BCAT1: variants seen among roughly 807,000 people sequenced by gnomAD.
The protein encoded by BCAT1 is branched chain amino acid transaminase 1.
In BCAT1, 48 loss-of-function variants were observed where a neutral mutation model predicts 52.4. The ratio of observed to expected loss-of-function variants is 0.92; its 90% CI spans 0.73 to 1.16. The LOEUF is 1.16. Among genes scored for constraint, BCAT1 ranks in the 50% most tolerant of loss-of-function variants. The pLI, the probability that BCAT1 is intolerant of heterozygous loss-of-function variation, is 0.00. For synonymous variants in BCAT1, 167 were observed against 161.3 expected, an observed-to-expected ratio of 1.04 and a Z score of -0.27; for missense variants, 451 against 457.1, an observed-to-expected ratio of 0.99 and a Z score of 0.12.
intron 5 of BCAT1, among the ~76,000 whole-genome samples, chr12:24,866,949 A>G (rs1942037756): frequency 6.6e-6 from 1 of 152,152 alleles, no homozygotes; most frequent in Non-Finnish European, 1.5e-5. Flanking sequence ...CGCTCTTTGC[A>G]GTAAATCTTG....
chr12:24,829,771 AT>A (rs1940569947), intron 10 of BCAT1, 51 bp downstream of exon 10: 1 of 1,401,846 alleles, frequency 7.1e-7, no homozygotes, highest in South Asian at 1.3e-5. Context: ...ATAAGGTGAC[AT>A]AAAAAAAAGA....
rs1939900005 is a variant in BCAT1, at chr12:24,817,005, T to A, written c.*1003A>T. Reference sequence around the variant, plus strand: ...CCACCACTCACCTCTTCCTGCTGTGTGGCCCATGGCCTGGGGGTTGGGGTC... The same window carrying A: ...CCACCACTCACCTCTTCCTGCTGTGAGGCCCATGGCCTGGGGGTTGGGGTC... On this transcript the variant is annotated 3_prime_UTR_variant, in exon 11 of 11. Coordinates refer to ENST00000261192, the MANE Select transcript of BCAT1 (RefSeq NM_005504.7). 1 of 165,284 alleles carries A rather than the reference T, an allele frequency of 6.1e-6. No individual in the cohort carries two copies. The highest frequency in any genetic ancestry group is 2.4e-5 in the African/African-American group (1 of 42,174). 10.2% of individuals were successfully genotyped at this position (165,284 alleles called of 1,614,324 possible). A position where few individuals can be genotyped will look rare whatever the true frequency, so the allele number is the denominator to read the frequency against.
At chr12:24,820,562 C>T (rs535249058) in intron 10 of BCAT1, among the ~76,000 whole-genome samples, 1 of 152,228 alleles carries the variant, frequency 6.6e-6, no homozygotes, top group Admixed American at 6.5e-5. Flanking sequence ...AACAACAGTG[C>T]AGGCTCACAC....
intron 6 of BCAT1, among the ~76,000 whole-genome samples, chr12:24,843,463 C>T (rs778139494): frequency 6.6e-6 from 1 of 151,964 alleles, no homozygotes; most frequent in Non-Finnish European, 1.5e-5. Context: ...ATTAGCTGGG[C>T]GTGGTGGCGG....
chr12:24,846,883 T>C (rs991275340), intron 6 of BCAT1, among the ~76,000 whole-genome samples: 1 of 152,208 alleles, frequency 6.6e-6, no homozygotes, highest in South Asian at 2.1e-4. Context: ...CATTATTTCA[T>C]TGAGTCATCT....
chr12:24,891,850 G>A (rs923263039), intron 3 of BCAT1, among the ~76,000 whole-genome samples: 3 of 151,266 alleles, frequency 2.0e-5, no homozygotes, highest in Non-Finnish European at 4.4e-5. Context: ...CTGGGTTCAC[G>A]TCATTTTCCT....
chr12:24,816,130 TC>T lies in BCAT1; in HGVS notation c.*1877del, dbSNP rs1939866054. ...TAAAAGATATTTTTATCATTCCTTT[TC>T]ATCTTATATTTCTCAATTTTCATTT... On this transcript the variant is annotated 3_prime_UTR_variant, in exon 11 of 11. Transcript: ENST00000261192. 1 of 167,162 alleles carries T rather than the reference TC, an allele frequency of 6.0e-6. No homozygotes were observed. Among genetic ancestry groups the T allele is most frequent in the East Asian group, 1.6e-4 (1 of 6,244 alleles). 10.4% of individuals were successfully genotyped at this position (167,162 alleles called of 1,614,324 possible). A position where few individuals can be genotyped will look rare whatever the true frequency, so the allele number is the denominator to read the frequency against.
Position 24,816,604 on chromosome 12 carries a change from AAAG to A in BCAT1, c.*1401_*1403del, listed in dbSNP as rs1430574180. The A allele has an allele frequency of 7.5e-6, 3 of 397,750 alleles. No homozygotes were observed. The highest frequency in any genetic ancestry group is 7.1e-5 in the East Asian group (2 of 28,060). 24.6% of individuals were successfully genotyped at this position (397,750 alleles called of 1,614,324 possible). A position where few individuals can be genotyped will look rare whatever the true frequency, so the allele number is the denominator to read the frequency against. ...TTGTTTTCTACCAAAAAAAAAAAAA[AAAG>A]ATTTATTTCTGCAATTAACACTTGA... On this transcript the variant is annotated 3_prime_UTR_variant, in exon 11 of 11. Coordinates refer to ENST00000261192, the MANE Select transcript of BCAT1 (RefSeq NM_005504.7).
chr12:24,887,488 C>T (rs1942715523), intron 3 of BCAT1, among the ~76,000 whole-genome samples: 1 of 151,948 alleles, frequency 6.6e-6, no homozygotes, highest in Non-Finnish European at 1.5e-5. Context: ...AGAGGCAAAA[C>T]TATAGTGTTA....
At position 24,894,448 on chromosome 12, in the gene BCAT1, T is replaced by C. The variant is rs761991076; in HGVS notation, c.106A>G (p.Thr36Ala). ...KAKDLIVTPA[T>A]ILKEKPDPNN... ...GGGTCTGGTTTTTCCTTTAAAATGG[T>C]AGCTGGTGTGACTATTAGGTCTTTA... Residue 36 changes from threonine (T) to alanine (A), a missense_variant, in exon 3 of 11, where the codon ACC (threonine) becomes GCC (alanine). Thr to Ala is a moderately conservative substitution (Grantham distance 58). Transcript: ENST00000261192. The C allele has an allele frequency of 6.3e-6, 10 of 1,598,842 alleles. No homozygotes were observed. Among genetic ancestry groups the C allele is most frequent in the Non-Finnish European group, 8.5e-6 (10 of 1,171,814 alleles).
At chr12:24,897,845 C>T (rs538446517) in intron 2 of BCAT1, among the ~76,000 whole-genome samples, 2 of 152,210 alleles carry the variant, frequency 1.3e-5, no homozygotes, top group South Asian at 4.1e-4. Flanking sequence ...TGAGCTACCG[C>T]GCCCGGCATA....
chr12:24,866,435 C>A (rs931790418), intron 5 of BCAT1, among the ~76,000 whole-genome samples: 1 of 152,202 alleles, frequency 6.6e-6, no homozygotes, highest in Non-Finnish European at 1.5e-5. Flanking sequence ...GTGCCACCCC[C>A]ACTCCACAGT....
chr12:24,865,877 G>T (rs917394279), intron 5 of BCAT1, among the ~76,000 whole-genome samples: 3 of 152,026 alleles, frequency 2.0e-5, no homozygotes, highest in Non-Finnish European at 4.4e-5. Context: ...CAAGAGACTG[G>T]TTATATAAAT....
At chr12:24,947,368 T>C (rs925231833) in intron 1 of BCAT1, among the ~76,000 whole-genome samples, 10 of 152,248 alleles carry the variant, frequency 6.6e-5, no homozygotes, top group African/African-American at 2.4e-4. Context: ...TGCATGTGTC[T>C]GTCTTAAAAT....
At chr12:24,872,082 T>G (rs1243726939) in intron 5 of BCAT1, among the ~76,000 whole-genome samples, 3 of 152,220 alleles carry the variant, frequency 2.0e-5, no homozygotes, top group Non-Finnish European at 2.9e-5. Context: ...TTCAGATTCT[T>G]CTGTTCATAG....
chr12:24,943,324 C>A (rs1449179918), intron 1 of BCAT1, among the ~76,000 whole-genome samples: 1 of 151,882 alleles, frequency 6.6e-6, no homozygotes, highest in Admixed American at 6.6e-5. Context: ...GAAACCCCAT[C>A]TCTACAAAAA....
intron 3 of BCAT1, among the ~76,000 whole-genome samples, chr12:24,890,003 A>G (rs775052341): frequency 3.9e-5 from 6 of 152,180 alleles, no homozygotes; most frequent in Non-Finnish European, 7.4e-5. Flanking sequence ...CCGGGAGGGC[A>G]TGGAAGCCCT....
intron 5 of BCAT1, among the ~76,000 whole-genome samples, chr12:24,877,765 T>C (rs916420647): frequency 1.3e-5 from 2 of 152,100 alleles, no homozygotes; most frequent in African/African-American, 4.8e-5. Context: ...ACTTAGAAAA[T>C]AATGACTAGT....
intron 5 of BCAT1, among the ~76,000 whole-genome samples, chr12:24,876,260 TAAAAAAA>T (rs71448093): frequency 9.1e-6 from 1 of 109,904 alleles, no homozygotes; most frequent in Admixed American, 1.0e-4. Context: ...GAGGGAGATG[TAAAAAAA>T]AAAAAAAAAA....
Sources: gnomAD v4.1 joint callset for allele counts (sites outside exome capture counted in the v4.1 genomes callset) on GRCh38, gnomAD v4.1.1 for gene constraint, MANE v1.5 for transcripts, NCBI Gene and HGNC (gene_info 2026-07-23, HGNC 2026-07-21) for gene names.